Variants in PKHD1 observed in about 807,000 individuals in gnomAD.
PKHD1 encodes the protein fibrocystin.
PKHD1 carries 291 observed loss-of-function variants against 412.0 expected under a neutral mutation model. That is an observed-to-expected ratio of 0.71 (90% CI 0.64 to 0.78). PKHD1 has a LOEUF of 0.78. PKHD1 is among the 30% of genes least tolerant of loss of function. PKHD1 has a pLI of 0.00. For missense variants in PKHD1, 4,825 were observed against 4,950.7 expected, an observed-to-expected ratio of 0.97 and a Z score of 0.76; for synonymous variants, 1,777 against 1,821.5, an observed-to-expected ratio of 0.98 and a Z score of 0.62.
intron 27 of PKHD1, among the ~76,000 whole-genome samples, 193 bp from the exon 28 acceptor site, chr6:52,035,914 A>G (rs775961171): frequency 3.9e-5 from 6 of 152,238 alleles, no homozygotes; most frequent in Admixed American, 1.3e-4. Flanking sequence ...AAGTAGTGAC[A>G]GGAGGGCAGA....
chr6:51,805,968 T>C (rs941675021), intron 52 of PKHD1, among the ~76,000 whole-genome samples: 7 of 151,836 alleles, frequency 4.6e-5, no homozygotes, highest in African/African-American at 9.7e-5. Flanking sequence ...TGTGTCTGTA[T>C]AGCAGCATGA....
intron 37 of PKHD1, among the ~76,000 whole-genome samples, chr6:51,915,149 C>T (rs1366636920): frequency 6.6e-6 from 1 of 152,064 alleles, no homozygotes; most frequent in Non-Finnish European, 1.5e-5. Context: ...GGCCCTCTCT[C>T]TTGACCACAA....
intron 60 of PKHD1, among the ~76,000 whole-genome samples, chr6:51,735,548 C>T (rs780330808): frequency 6.6e-6 from 1 of 152,052 alleles, no homozygotes; most frequent in Non-Finnish European, 1.5e-5. Context: ...GCTGACAGAT[C>T]TAAAACAGTT....
chr6:51,735,767 A>C (rs541828765), intron 60 of PKHD1, among the ~76,000 whole-genome samples: 1 of 151,834 alleles, frequency 6.6e-6, no homozygotes, highest in East Asian at 1.9e-4. Context: ...CTCTACGAAA[A>C]ATTTTTTTTA....
rs770944502 is a variant in PKHD1, at chr6:51,903,711, T to C, written c.6882A>G (p.Gly2294=). ...TGATCACGTTGTTTCTTATTATATT[T>C]CCATGTCCTGACCAGTCTAATGTTT... ...HGRKDDWSGH[G]NIIRNNVIIQ... The change falls in exon 43 of 67, where the codon GGA becomes GGG. Residue 2294 remains glycine, a synonymous_variant. Coordinates refer to ENST00000371117, the MANE Select transcript of PKHD1 (RefSeq NM_138694.4). 3 of 1,611,270 alleles carry C rather than the reference T, an allele frequency of 1.9e-6. No individual in the cohort carries two copies. The highest frequency in any genetic ancestry group is 2.5e-6 in the Non-Finnish European group (3 of 1,178,040).
chr6:51,953,499 C>T (rs1790676202), intron 36 of PKHD1, among the ~76,000 whole-genome samples: 2 of 151,820 alleles, frequency 1.3e-5, no homozygotes, highest in South Asian at 4.2e-4. Flanking sequence ...TTCTAGATAA[C>T]TGCATTGGAA....
chr6:51,928,829 C>T (rs993870412), intron 37 of PKHD1, among the ~76,000 whole-genome samples: 8 of 152,100 alleles, frequency 5.3e-5, no homozygotes, highest in South Asian at 2.1e-4. Flanking sequence ...TGTGGACATT[C>T]GGACCCTTGA....
At chr6:51,792,462 C>A (rs185190395) in intron 52 of PKHD1, among the ~76,000 whole-genome samples, 11 of 152,318 alleles carry the variant, frequency 7.2e-5, no homozygotes, top group Non-Finnish European at 1.6e-4. Context: ...TCTTTCCTAG[C>A]CCCTCCCTGC....
In PKHD1 at chr6:52,028,155, C is replaced by G; in HGVS notation, c.3560+1G>C. The G allele has an allele frequency of 1.2e-6, 2 of 1,614,012 alleles. No individual in the cohort carries two copies. The highest frequency in any genetic ancestry group is 1.7e-6 in the Non-Finnish European group (2 of 1,179,818). ...AAAATTAATGCAAGTGGTCACCTCA[C>G]CCTTGTGAGTGAATGCTGACCCCAT... On this transcript the variant is annotated splice_donor_variant, in intron 30 of 66. Transcript: ENST00000371117. LOFTEE classifies it high-confidence loss of function.
At chr6:51,766,796 G>C (rs554674718) in intron 55 of PKHD1, among the ~76,000 whole-genome samples, 97 of 151,884 alleles carry the variant, frequency 6.4e-4, no homozygotes, top group African/African-American at 2.3e-3. Flanking sequence ...GAGTTAATGG[G>C]TGCAAACATT....
chr6:52,079,854 AC>A lies in PKHD1; in HGVS notation c.390+45del, dbSNP rs771612263. ...ATTTGCCTTTCAATAACACAAGCAC[AC>A]CCTTAGACTATGTAAACATACCTTC... On this transcript the variant is annotated intron_variant, in intron 5 of 66. Coordinates refer to ENST00000371117, the MANE Select transcript of PKHD1 (RefSeq NM_138694.4). 2.8e-6 allele frequency: 3 copies of A among 1,077,308 alleles called. No individual in the cohort carries two copies. The Admixed American group carries it at 5.1e-5, about 18-fold the overall frequency. The allele number at this position is 1,077,308 out of a possible 1,614,324, so 66.7% of individuals were successfully genotyped here.
At chr6:51,776,679 A>C (rs1377399399) in intron 53 of PKHD1, among the ~76,000 whole-genome samples, 1 of 152,088 alleles carries the variant, frequency 6.6e-6, no homozygotes, top group African/African-American at 2.4e-5. Context: ...TGATCCAACT[A>C]TTAAGTAACA....
chr6:51,819,531 T>C, intron 52 of PKHD1, among the ~76,000 whole-genome samples: 1 of 152,100 alleles, frequency 6.6e-6, no homozygotes, highest in African/African-American at 2.4e-5. Flanking sequence ...TTCATTACTC[T>C]CTGAATGTTT....
intron 63 of PKHD1, among the ~76,000 whole-genome samples, chr6:51,642,669 G>A (rs1204221698): frequency 6.6e-6 from 1 of 152,078 alleles, no homozygotes; most frequent in Non-Finnish European, 1.5e-5. Flanking sequence ...GCAAAACCCC[G>A]TCTTTACTAA....
intron 43 of PKHD1, among the ~76,000 whole-genome samples, chr6:51,888,923 G>C (rs975619883): frequency 1.3e-5 from 2 of 150,804 alleles, no homozygotes; most frequent in Non-Finnish European, 2.9e-5. Context: ...AGGAACAAAG[G>C]GCCAATCGAT....
chr6:51,669,507 T>C (rs1336632412), intron 60 of PKHD1, among the ~76,000 whole-genome samples: 2 of 149,060 alleles, frequency 1.3e-5, no homozygotes, highest in African/African-American at 4.9e-5. Flanking sequence ...GCTCCTGGAT[T>C]CATTAATTTT....
chr6:52,057,906 G>C (rs1808026625), intron 16 of PKHD1, among the ~76,000 whole-genome samples: 1 of 152,188 alleles, frequency 6.6e-6, no homozygotes, highest in Non-Finnish European at 1.5e-5. Context: ...ACAGCTGAGA[G>C]ACCCAAAGGA....
At chr6:52,014,700 A>AGATG (rs55925667) in intron 34 of PKHD1, among the ~76,000 whole-genome samples, 1,663 of 80,598 alleles carry the variant, frequency 0.021, 36 homozygotes, top group African/African-American at 0.063. Context: ...TATACTGGAT[A>AGATG]GATGGATGGA....
At chr6:51,743,527 G>A (rs777329926) in intron 60 of PKHD1, among the ~76,000 whole-genome samples, 12 of 152,066 alleles carry the variant, frequency 7.9e-5, no homozygotes, top group African/African-American at 2.4e-4. Flanking sequence ...TTTCAGGGTC[G>A]AGTCTAGGCT....
Sources: gnomAD v4.1 joint callset for allele counts (sites outside exome capture counted in the v4.1 genomes callset) on GRCh38, gnomAD v4.1.1 for gene constraint, MANE v1.5 for transcripts, NCBI Gene and HGNC (gene_info 2026-07-23, HGNC 2026-07-21) for gene names.